Variants in TMC1 observed in about 807,000 individuals in gnomAD.
TMC1 encodes transmembrane channel-like protein 1.
Under a neutral mutation model 105.8 loss-of-function variants are expected in TMC1, and 84 were observed. That is an observed-to-expected ratio of 0.79 (90% CI 0.67 to 0.95). The LOEUF (loss-of-function observed/expected upper bound fraction) is 0.95. TMC1 is among the 40% of genes least tolerant of loss of function. TMC1 has a pLI of 0.00. For synonymous variants in TMC1, 315 were observed against 311.5 expected (o/e 1.01, Z -0.12); for missense variants, 817 against 914.1 (o/e 0.89, Z 1.37).
intron 7 of TMC1, 135 bp from the exon 8 acceptor site, chr9:72,700,383 C>A: frequency 1.8e-6 from 1 of 570,242 alleles, no homozygotes; most frequent in Non-Finnish European, 3.0e-6. Flanking sequence ...AGTTCTCATG[C>A]TTATGGGTCC....
At chr9:72,552,311 T>A (rs1436028024) in intron 1 of TMC1, among the ~76,000 whole-genome samples, 4 of 152,042 alleles carry the variant, frequency 2.6e-5, no homozygotes, top group African/African-American at 9.7e-5. Context: ...ACTTGTCTCT[T>A]CCCCCTGCTG....
At chr9:72,660,852 C>T (rs1011294305) in intron 5 of TMC1, among the ~76,000 whole-genome samples, 1 of 152,274 alleles carries the variant, frequency 6.6e-6, no homozygotes, top group East Asian at 1.9e-4. Flanking sequence ...TTCATTTTAG[C>T]TTGCATTCAT....
chr9:72,782,044 A>G (rs1000548174), intron 13 of TMC1, among the ~76,000 whole-genome samples: 1 of 152,212 alleles, frequency 6.6e-6, no homozygotes, highest in African/African-American at 2.4e-5. Context: ...CTTGATAAAC[A>G]TACATGCAAA....
chr9:72,627,453 A>G (rs941848779), intron 3 of TMC1, among the ~76,000 whole-genome samples: 3 of 152,162 alleles, frequency 2.0e-5, no homozygotes, highest in Non-Finnish European at 4.4e-5. Context: ...ATCCCACTGC[A>G]GTGGCCTCAT....
chr9:72,823,864 C>A (rs1202006779), intron 20 of TMC1, among the ~76,000 whole-genome samples: 45 of 152,332 alleles, frequency 3.0e-4, no homozygotes, highest in Middle Eastern at 3.4e-3. Context: ...AAAACCTAAA[C>A]ATTGTAGAAA....
At chr9:72,712,103 C>A (rs1826846651) in intron 8 of TMC1, among the ~76,000 whole-genome samples, 1 of 151,996 alleles carries the variant, frequency 6.6e-6, no homozygotes, top group South Asian at 2.1e-4. Context: ...ATTTCTGAGG[C>A]CTCTGTTCTG....
Position 72,821,010 on chromosome 9 carries a change from C to A in TMC1, c.1932C>A (p.Leu644=). 6.2e-7 allele frequency: 1 copy of A among 1,614,200 alleles called. No homozygotes were observed. ...ACCTGGGCATGCTACTGCTCATCCT[C>A]TTCCTGTCCACAATGCCTGTCTTGT... ...NFYLGMLLLI[L]FLSTMPVLYM... The change falls in exon 20 of 24, where the codon CTC becomes CTA. Residue 644 remains leucine (L), a synonymous_variant. Coordinates refer to ENST00000297784, the MANE Select transcript of TMC1 (RefSeq NM_138691.3).
rs767019298 is a variant in TMC1 at position 72,742,497 on chromosome 9, A to G, written c.507A>G (p.Pro169=). Reference sequence around the variant, plus strand: ...AGAACTTCAAAGCTGCGTGTGTCCCATGGGAAAATAAAATCAAGGCTATTG... The same window carrying G: ...AGAACTTCAAAGCTGCGTGTGTCCCGTGGGAAAATAAAATCAAGGCTATTG... ...DFENFKAACV[P]WENKIKAIES... Residue 169 remains proline, a synonymous_variant, in exon 10 of 24, where the codon CCA becomes CCG. Coordinates refer to ENST00000297784, the MANE Select transcript of TMC1 (RefSeq NM_138691.3). 6.8e-6 allele frequency: 11 copies of G among 1,614,166 alleles called. No homozygotes were observed. Among genetic ancestry groups the G allele is most frequent in the Admixed American group, 1.7e-5 (1 of 60,022 alleles).
intron 8 of TMC1, among the ~76,000 whole-genome samples, chr9:72,728,254 G>A (rs1827154554): frequency 6.6e-6 from 1 of 152,104 alleles, no homozygotes; most frequent in Admixed American, 6.5e-5. Flanking sequence ...GAGTTTCTAG[G>A]ATGGCAAATG....
At chr9:72,545,147 C>T (rs1330965013) in intron 1 of TMC1, among the ~76,000 whole-genome samples, 2 of 151,438 alleles carry the variant, frequency 1.3e-5, no homozygotes, top group African/African-American at 4.9e-5. Flanking sequence ...TACACACACA[C>T]ACACACACAC....
chr9:72,721,280 C>A (rs1827020410), intron 8 of TMC1, among the ~76,000 whole-genome samples: 3 of 152,150 alleles, frequency 2.0e-5, no homozygotes, highest in South Asian at 4.1e-4. Context: ...CCTTTACAAC[C>A]TTTACCAGCT....
intron 2 of TMC1, among the ~76,000 whole-genome samples, chr9:72,601,945 A>G (rs772016390): frequency 6.6e-6 from 1 of 152,214 alleles, no homozygotes; most frequent in Non-Finnish European, 1.5e-5. Flanking sequence ...CATCTCAGGG[A>G]TGGGACCCAA....
chr9:72,704,463 TC>T (rs1826700490), intron 8 of TMC1, among the ~76,000 whole-genome samples: 1 of 152,106 alleles, frequency 6.6e-6, no homozygotes, highest in South Asian at 2.1e-4. Flanking sequence ...TTAAAGAGCA[TC>T]TACCATTAGG....
At chr9:72,818,323 G>T (rs1227187544) in intron 19 of TMC1, among the ~76,000 whole-genome samples, 1 of 152,198 alleles carries the variant, frequency 6.6e-6, no homozygotes, top group Non-Finnish European at 1.5e-5. Context: ...AACATTTATA[G>T]ATAAAATCCA....
chr9:72,722,164 C>T (rs1053915604), intron 8 of TMC1, among the ~76,000 whole-genome samples: 4 of 152,080 alleles, frequency 2.6e-5, no homozygotes, highest in Non-Finnish European at 4.4e-5. Context: ...AAGTTATCCC[C>T]ATTTTACAGA....
At chr9:72,685,625 A>C (rs1284341464) in intron 5 of TMC1, among the ~76,000 whole-genome samples, 1 of 151,986 alleles carries the variant, frequency 6.6e-6, no homozygotes, top group East Asian at 1.9e-4. Flanking sequence ...CAGCCTCCCA[A>C]AGTGCTGGGA....
rs73647677 is a variant in TMC1, at chr9:72,629,796, G to A, written c.-53+1733G>A. On this transcript the variant is annotated intron_variant, in intron 4 of 23. Coordinates refer to ENST00000297784, the MANE Select transcript of TMC1 (RefSeq NM_138691.3). ...ATAACTTTAGAAATTCTACATTTGG[G>A]ATGATCATAACCTTTTAAAATTGTC... 3.1e-3 allele frequency among the ~76,000 whole-genome samples: 471 copies of A among 152,232 alleles called. 4 individuals carry two copies. The highest frequency in any genetic ancestry group is 0.011 in the African/African-American group (454 of 41,536).
chr9:72,744,078 T>G (rs755502731), intron 10 of TMC1, among the ~76,000 whole-genome samples: 9 of 152,150 alleles, frequency 5.9e-5, no homozygotes, highest in Non-Finnish European at 1.2e-4. Flanking sequence ...GTTTTAGGAG[T>G]GGCTAACCCT....
chr9:72,538,121 A>G (rs1179756128), intron 1 of TMC1, among the ~76,000 whole-genome samples: 1 of 150,908 alleles, frequency 6.6e-6, no homozygotes, highest in Non-Finnish European at 1.5e-5. Context: ...GCACCATTGC[A>G]TTCCAGCCTG....
Sources: allele counts gnomAD v4.1 joint callset (sites outside exome capture counted in the v4.1 genomes callset), GRCh38; gene constraint gnomAD v4.1.1; transcripts MANE v1.5; gene names NCBI Gene and HGNC (gene_info 2026-07-23, HGNC 2026-07-21).